MID1: variants seen among roughly 807,000 people sequenced by gnomAD.
The protein encoded by MID1 is midline 1.
MID1 carries 7 observed loss-of-function variants against 40.4 expected under a neutral mutation model. The observed-to-expected ratio is 0.17, with a 90% CI of 0.10 to 0.33. MID1 has a LOEUF of 0.33. Among genes scored for constraint, MID1 ranks in the 10% least tolerant of loss-of-function variants. The pLI, the probability that MID1 is intolerant of heterozygous loss-of-function variation, is 1.00. For missense variants in MID1, 367 were observed against 558.5 expected (o/e 0.66, Z 3.46); for synonymous variants, 229 against 221.2 (o/e 1.04, Z -0.31).
intron 1 of MID1, among the ~76,000 whole-genome samples, chrX:10,750,823 T>A (rs1337114772): frequency 2.7e-5 from 3 of 109,987 alleles, no homozygotes; most frequent in East Asian, 5.7e-4. Context: ...CCAAGACAGC[T>A]GATGAGGTGT....
At chrX:10,613,071 T>C (rs972263378) in intron 1 of MID1, among the ~76,000 whole-genome samples, 1 of 111,352 alleles carries the variant, frequency 9.0e-6, no homozygotes, top group Non-Finnish European at 1.9e-5. Flanking sequence ...TATTTGGCCA[T>C]TCATCTACTT....
chrX:10,653,522 A>G (rs998476907), intron 1 of MID1, among the ~76,000 whole-genome samples: 1 of 112,603 alleles, frequency 8.9e-6, no homozygotes, highest in Non-Finnish European at 1.9e-5. Flanking sequence ...CTCAGAAAAC[A>G]TCTGCTCTTA....
intron 1 of MID1, among the ~76,000 whole-genome samples, chrX:10,789,035 C>CAAACA (rs1555924839): frequency 9.1e-6 from 1 of 109,980 alleles, no homozygotes; most frequent in African/African-American, 3.3e-5. Context: ...AACAAATAAA[C>CAAACA]AAAAAAAATC....
intron 3 of MID1, among the ~76,000 whole-genome samples, chrX:10,521,664 G>T: frequency 8.9e-6 from 1 of 111,766 alleles, no homozygotes; most frequent in Admixed American, 9.4e-5. Context: ...TCCTTATTCA[G>T]TGTAGTCATT....
intron 1 of MID1, among the ~76,000 whole-genome samples, chrX:10,599,217 G>A (rs933440799): frequency 9.8e-5 from 11 of 111,882 alleles, no homozygotes; most frequent in South Asian, 3.8e-4. Flanking sequence ...AGGGCTCTCC[G>A]CTTTCACACC....
intron 1 of MID1, among the ~76,000 whole-genome samples, chrX:10,595,777 T>C (rs764391689): frequency 1.8e-5 from 2 of 111,260 alleles, no homozygotes; most frequent in East Asian, 5.7e-4. Context: ...CAAATAACAA[T>C]GTAATATATA....
chrX:10,727,714 G>A (rs2043404531), intron 1 of MID1, among the ~76,000 whole-genome samples: 1 of 111,285 alleles, frequency 9.0e-6, no homozygotes, highest in African/African-American at 3.3e-5. Flanking sequence ...GAGCTCTGAG[G>A]CCAGCAACCT....
At chrX:10,793,409 A>T (rs749775478) in intron 1 of MID1, among the ~76,000 whole-genome samples, 2 of 112,339 alleles carry the variant, frequency 1.8e-5, no homozygotes, top group Non-Finnish European at 3.8e-5. Context: ...GGAGGAGGAT[A>T]TCAGCCTGCA....
chrX:10,482,694 G>T (rs1479805417), intron 4 of MID1, 66 bp from the exon 5 acceptor site: 6 of 1,078,301 alleles, frequency 5.6e-6, no homozygotes, highest in Non-Finnish European at 1.3e-6. Flanking sequence ...AAAGGCATCA[G>T]GCTGGATCCT....
chrX:10,566,834 T>C, intron 2 of MID1, 54 bp downstream of exon 2: 2 of 1,163,369 alleles, frequency 1.7e-6, no homozygotes, highest in Non-Finnish European at 2.3e-6. Flanking sequence ...ACACTTTTTA[T>C]TTCCATGACA....
At chrX:10,452,724 T>TAAAG (rs1411873890) in intron 9 of MID1, among the ~76,000 whole-genome samples, 1 of 112,182 alleles carries the variant, frequency 8.9e-6, no homozygotes, top group African/African-American at 3.2e-5. Context: ...GTCAGGTTTG[T>TAAAG]AAAGATTAAT....
intron 7 of MID1, among the ~76,000 whole-genome samples, chrX:10,460,291 G>A (rs751686663): frequency 1.3e-4 from 14 of 111,453 alleles, no homozygotes; most frequent in Non-Finnish European, 2.6e-4. Flanking sequence ...CGCCCAGCCA[G>A]TGCAGGAGTG....
intron 1 of MID1, among the ~76,000 whole-genome samples, chrX:10,719,298 C>A (rs2043330033): frequency 9.0e-6 from 1 of 111,144 alleles, no homozygotes; most frequent in African/African-American, 3.3e-5. Flanking sequence ...CTAGAAAACC[C>A]CATCGTCTCA....
intron 1 of MID1, among the ~76,000 whole-genome samples, chrX:10,594,327 T>C (rs1373701305): frequency 8.9e-6 from 1 of 111,834 alleles, no homozygotes; most frequent in Non-Finnish European, 1.9e-5. Flanking sequence ...CTATCTGTAC[T>C]GTCTTCTCTC....
intron 1 of MID1, among the ~76,000 whole-genome samples, chrX:10,581,563 C>CT (rs1411156703): frequency 8.9e-6 from 1 of 111,836 alleles, no homozygotes; most frequent in Non-Finnish European, 1.9e-5. Context: ...TTCTTCCCTT[C>CT]TTGTCCTGAA....
At chrX:10,679,828 A>C (rs1298300295) in intron 1 of MID1, among the ~76,000 whole-genome samples, 1 of 112,095 alleles carries the variant, frequency 8.9e-6, no homozygotes, top group East Asian at 2.8e-4. Flanking sequence ...CAAAGTGATG[A>C]AGGTAATGCT....
chrX:10,505,920 T>G (rs1931806348), intron 3 of MID1: 8 of 754,623 alleles, frequency 1.1e-5, no homozygotes, highest in Non-Finnish European at 1.3e-5. Context: ...GCCATCTGCT[T>G]CTGCAAAGTT....
chrX:10,469,716 G>T lies in MID1; in HGVS notation c.1266C>A (p.Thr422=). Residue 422 remains threonine, a synonymous_variant, in exon 7 of 10, where the codon ACC becomes ACA. Transcript: ENST00000317552. ...ACTCACTAACGACGTTGGCTTGTCC[G>T]GTGAATATGGTGTACTGGAGCTCGT... ...VSYELQYTIF[T]GQANVVSLCN... is the part of the protein sequence containing the mutation. 1 of 1,211,271 alleles carries T rather than the reference G, an allele frequency of 8.3e-7. No individual in the cohort carries two copies. The highest frequency in any genetic ancestry group is 1.1e-6 in the Non-Finnish European group (1 of 895,159).
chrX:10,630,179 G>T (rs1048878270), intron 1 of MID1, among the ~76,000 whole-genome samples: 2 of 111,971 alleles, frequency 1.8e-5, no homozygotes, highest in Admixed American at 1.9e-4. Context: ...GCTGTCATGA[G>T]CATACCTTCT....
Sources: gnomAD v4.1 joint callset for allele counts (sites outside exome capture counted in the v4.1 genomes callset) on GRCh38, gnomAD v4.1.1 for gene constraint, MANE v1.5 for transcripts, NCBI Gene and HGNC (gene_info 2026-07-23, HGNC 2026-07-21) for gene names.